Variants in ARHGAP24 observed in about 807,000 individuals in gnomAD.
The protein encoded by ARHGAP24 is rho GTPase-activating protein 24.
Under a neutral mutation model 76.4 loss-of-function variants are expected in ARHGAP24, and 50 were observed. The ratio of observed to expected loss-of-function variants is 0.65; its 90% CI spans 0.52 to 0.83. The LOEUF (loss-of-function observed/expected upper bound fraction) is 0.83. ARHGAP24 is among the 40% of genes least tolerant of loss of function. The pLI is 0.00. For missense variants in ARHGAP24, 930 were observed against 914.2 expected (o/e 1.02, Z -0.22); for synonymous variants, 345 against 323.3 (o/e 1.07, Z -0.72).
intron 5 of ARHGAP24, among the ~76,000 whole-genome samples, chr4:85,951,171 A>T (rs1737596473): frequency 6.6e-6 from 1 of 152,192 alleles, no homozygotes; most frequent in Non-Finnish European, 1.5e-5. Flanking sequence ...GATTCTGCTG[A>T]TTCAAAGAAG....
chr4:85,766,910 A>G (rs1726950525), intron 3 of ARHGAP24, among the ~76,000 whole-genome samples: 1 of 152,186 alleles, frequency 6.6e-6, no homozygotes, highest in South Asian at 2.1e-4. Flanking sequence ...AACTGCATAT[A>G]TGATACTGTT....
At chr4:85,832,656 T>C (rs1730055961) in intron 3 of ARHGAP24, among the ~76,000 whole-genome samples, 1 of 152,156 alleles carries the variant, frequency 6.6e-6, no homozygotes. Flanking sequence ...GGGAGAAGGA[T>C]GAATGAGTCA....
chr4:85,971,727 T>C (rs1738997704), intron 5 of ARHGAP24, among the ~76,000 whole-genome samples: 1 of 152,132 alleles, frequency 6.6e-6, no homozygotes, highest in Admixed American at 6.6e-5. Flanking sequence ...TCTACCTTAC[T>C]ATATTTTGTA....
At chr4:85,544,719 T>C (rs1008741435) in intron 1 of ARHGAP24, among the ~76,000 whole-genome samples, 1 of 152,078 alleles carries the variant, frequency 6.6e-6, no homozygotes, top group African/African-American at 2.4e-5. Flanking sequence ...TACACATACA[T>C]ATATGTAAAT....
At chr4:85,895,465 A>C (rs989193506) in intron 3 of ARHGAP24, among the ~76,000 whole-genome samples, 1 of 152,188 alleles carries the variant, frequency 6.6e-6, no homozygotes, top group African/African-American at 2.4e-5. Flanking sequence ...TCATAAATGA[A>C]CATGGAATTC....
chr4:85,687,120 A>T (rs1231548585), intron 2 of ARHGAP24, among the ~76,000 whole-genome samples: 1 of 152,074 alleles, frequency 6.6e-6, no homozygotes, highest in Non-Finnish European at 1.5e-5. Context: ...ATGATGATGG[A>T]TGGATAGATA....
rs1489620504 is a variant in ARHGAP24 at position 85,651,171 on chromosome 4, G to C, written c.181-70714G>C. ...GGGAGAGGCAGGAGAGGAGAACAGAGGCAGGCCTGAGATCATGTAGGGGCT... is the reference window on the plus strand; with the variant it reads ...GGGAGAGGCAGGAGAGGAGAACAGACGCAGGCCTGAGATCATGTAGGGGCT... On this transcript the variant is annotated intron_variant, in intron 2 of 9. Coordinates refer to ENST00000395184, the MANE Select transcript of ARHGAP24 (RefSeq NM_001025616.3). Among the ~76,000 whole-genome samples, 3 of 149,262 alleles carry C rather than the reference G, an allele frequency of 2.0e-5. 1 individual carries two copies. Among genetic ancestry groups the C allele is most frequent in the African/African-American group, 7.8e-5 (3 of 38,668 alleles).
rs145704646 is a variant in ARHGAP24, at chr4:85,920,974, C to T, written c.269-2674C>T. On this transcript the variant is annotated intron_variant, in intron 3 of 9. Coordinates refer to ENST00000395184, the MANE Select transcript of ARHGAP24 (RefSeq NM_001025616.3). ...CAATGTGGAAGACAGAGTGTTGATT[C>T]CTCAAAGACCTAAAGACAGAAATAC... is the stretch of plus-strand genomic sequence containing the variant. Among the ~76,000 whole-genome samples, 461 of 152,250 alleles carry T rather than the reference C, an allele frequency of 3.0e-3. 3 individuals carry two copies. The highest frequency in any genetic ancestry group is 0.014 in the Middle Eastern group (4 of 294).
At position 85,766,488 on chromosome 4, in the gene ARHGAP24, C is replaced by A. The variant is rs562614773; in HGVS notation, c.268+44516C>A. Reference sequence around the variant, plus strand: ...TGGGAACTTGTTAGAAATTCAAATTCTTGGATCTCTACCCTGGAGCCATAA... The same window carrying A: ...TGGGAACTTGTTAGAAATTCAAATTATTGGATCTCTACCCTGGAGCCATAA... On this transcript the variant is annotated intron_variant, in intron 3 of 9. Transcript: ENST00000395184. 2.2e-3 allele frequency among the ~76,000 whole-genome samples: 334 copies of A among 152,188 alleles called. 3 individuals carry two copies. The highest frequency in any genetic ancestry group is 7.8e-3 in the African/African-American group (322 of 41,540).
intron 3 of ARHGAP24, among the ~76,000 whole-genome samples, chr4:85,921,284 G>T (rs28413133): frequency 0.011 from 1,701 of 152,246 alleles, 25 homozygotes; most frequent in African/African-American, 0.038. Flanking sequence ...CACAGGAACA[G>T]AAAACCAAAT....
intron 1 of ARHGAP24, among the ~76,000 whole-genome samples, chr4:85,570,215 T>C (rs1727024995): frequency 6.6e-6 from 1 of 152,156 alleles, no homozygotes; most frequent in African/African-American, 2.4e-5. Context: ...GGTTTGTGTC[T>C]AGAAATTTGG....
intron 2 of ARHGAP24, among the ~76,000 whole-genome samples, chr4:85,576,056 CTT>C (rs1377108163): frequency 2.0e-5 from 3 of 152,194 alleles, no homozygotes; most frequent in Non-Finnish European, 4.4e-5. Context: ...ATTTTCTTAA[CTT>C]AGAGGACAAA....
intron 3 of ARHGAP24, among the ~76,000 whole-genome samples, chr4:85,808,422 C>T (rs1293205397): frequency 2.0e-5 from 3 of 152,078 alleles, no homozygotes; most frequent in Non-Finnish European, 4.4e-5. Context: ...TTATTTACAT[C>T]TTATTCTTTT....
At chr4:85,655,766 CATATATATATATAT>C (rs370571889) in intron 2 of ARHGAP24, among the ~76,000 whole-genome samples, 14 of 69,056 alleles carry the variant, frequency 2.0e-4, no homozygotes, top group African/African-American at 1.4e-3. Context: ...AGTGAGACTC[CATATATATATATAT>C]ATATATATAT....
intron 5 of ARHGAP24, among the ~76,000 whole-genome samples, chr4:85,961,646 T>TA (rs1380222643): frequency 6.6e-6 from 1 of 152,142 alleles, no homozygotes; most frequent in Non-Finnish European, 1.5e-5. Context: ...ATTAATAAGT[T>TA]ACTTTCTAGC....
At chr4:85,839,349 A>T (rs545876634) in intron 3 of ARHGAP24, among the ~76,000 whole-genome samples, 7 of 152,334 alleles carry the variant, frequency 4.6e-5, no homozygotes, top group African/African-American at 1.7e-4. Flanking sequence ...ATTAACACTG[A>T]TCATCCAAAC....
intron 1 of ARHGAP24, among the ~76,000 whole-genome samples, chr4:85,557,456 T>A (rs1287700672): frequency 6.6e-6 from 1 of 152,208 alleles, no homozygotes; most frequent in African/African-American, 2.4e-5. Flanking sequence ...GGGGATTTCC[T>A]GAGCAGAAGT....
rs550052317 is a variant in ARHGAP24, at chr4:85,776,036, T to C, written c.268+54064T>C. 5.9e-5 allele frequency among the ~76,000 whole-genome samples: 9 copies of C among 152,214 alleles called. No homozygotes were observed. The East Asian group carries it at 1.5e-3, about 26-fold the overall frequency. ...AGTTGATGCTTGAGATTTTTATGTG[T>C]GTCAGTTTCTTAAAACTGTTAAAAA... On this transcript the variant is annotated intron_variant, in intron 3 of 9. Transcript: ENST00000395184.
At chr4:85,487,451 A>C in intron 1 of ARHGAP24, among the ~76,000 whole-genome samples, 1 of 72,360 alleles carries the variant, frequency 1.4e-5, no homozygotes, top group Non-Finnish European at 2.8e-5. Context: ...TATTTATTAT[A>C]TATTATATAA....
Sources: allele counts gnomAD v4.1 joint callset (sites outside exome capture counted in the v4.1 genomes callset), GRCh38; gene constraint gnomAD v4.1.1; transcripts MANE v1.5; gene names NCBI Gene and HGNC (gene_info 2026-07-23, HGNC 2026-07-21).